Variants in RSU1 observed in about 807,000 individuals in gnomAD.
RSU1 encodes the protein Ras suppressor protein 1.
RSU1 carries 26 observed loss-of-function variants against 31.1 expected under a neutral mutation model. The observed-to-expected ratio is 0.84, with a 90% confidence interval of 0.61 to 1.16. The LOEUF is 1.16. Ranked by LOEUF, RSU1 falls within the 50% of genes most tolerant of loss-of-function variation. RSU1 has a pLI of 0.00. For synonymous variants in RSU1, 164 were observed against 136.3 expected (o/e 1.20, Z -1.41); for missense variants, 320 against 339.1 (o/e 0.94, Z 0.44).
intron 8 of RSU1, among the ~76,000 whole-genome samples, chr10:16,610,270 C>T (rs1297049384): frequency 2.0e-5 from 3 of 152,210 alleles, no homozygotes; most frequent in Non-Finnish European, 4.4e-5. Context: ...GGCTATGCTA[C>T]TGCACAGCAG....
chr10:16,747,659 A>C (rs941442989), intron 7 of RSU1, among the ~76,000 whole-genome samples: 7 of 152,152 alleles, frequency 4.6e-5, no homozygotes, highest in African/African-American at 1.7e-4. Flanking sequence ...ATAGTCTCCT[A>C]TCTCTCAGAC....
intron 7 of RSU1, among the ~76,000 whole-genome samples, chr10:16,706,848 G>A (rs1336633019): frequency 3.3e-5 from 5 of 152,064 alleles, no homozygotes; most frequent in Non-Finnish European, 5.9e-5. Context: ...ATGTAACTAT[G>A]TACCCACTGG....
chr10:16,694,299 C>G (rs1322431880), intron 8 of RSU1, among the ~76,000 whole-genome samples: 1 of 152,186 alleles, frequency 6.6e-6, no homozygotes. Context: ...CACTACAGTA[C>G]AAGCTTCTCT....
At chr10:16,623,537 A>G (rs1834107083) in intron 8 of RSU1, among the ~76,000 whole-genome samples, 1 of 152,230 alleles carries the variant, frequency 6.6e-6, no homozygotes, top group Non-Finnish European at 1.5e-5. Flanking sequence ...TTTTAGATAT[A>G]TACCCACCAA....
intron 2 of RSU1, among the ~76,000 whole-genome samples, chr10:16,788,258 C>T (rs559541940): frequency 3.9e-5 from 6 of 152,326 alleles, no homozygotes; most frequent in South Asian, 4.1e-4. Flanking sequence ...CCTGGTTTCC[C>T]GTTACCAAGC....
chr10:16,637,234 T>C (rs575545482), intron 8 of RSU1, among the ~76,000 whole-genome samples: 1 of 152,306 alleles, frequency 6.6e-6, no homozygotes, highest in East Asian at 1.9e-4. Flanking sequence ...TTTTATGATA[T>C]CCACAGTTAT....
chr10:16,611,128 G>A (rs1322046111), intron 8 of RSU1, among the ~76,000 whole-genome samples: 1 of 152,170 alleles, frequency 6.6e-6, no homozygotes, highest in Non-Finnish European at 1.5e-5. Flanking sequence ...CCTCCCTGGG[G>A]GCTCAAGCAG....
intron 8 of RSU1, among the ~76,000 whole-genome samples, chr10:16,611,794 TC>T (rs2131468568): frequency 6.6e-6 from 1 of 152,210 alleles, no homozygotes; most frequent in East Asian, 1.9e-4. Flanking sequence ...AGACTTACTA[TC>T]CAGGCTGCTT....
At chr10:16,785,824 C>T (rs1837781079) in intron 2 of RSU1, among the ~76,000 whole-genome samples, 1 of 152,120 alleles carries the variant, frequency 6.6e-6, no homozygotes, top group African/African-American at 2.4e-5. Context: ...CTGGCCTCTC[C>T]ATTGTCAATG....
chr10:16,806,425 G>A (rs780698512), intron 2 of RSU1, among the ~76,000 whole-genome samples: 7 of 152,170 alleles, frequency 4.6e-5, no homozygotes, highest in African/African-American at 9.7e-5. Flanking sequence ...TCAAATCTGG[G>A]CTCTACCACT....
chr10:16,684,856 A>C (rs1045522866), intron 8 of RSU1, among the ~76,000 whole-genome samples: 12 of 152,330 alleles, frequency 7.9e-5, no homozygotes, highest in Admixed American at 4.6e-4. Context: ...AAAACCCCAA[A>C]ACTTCAATAA....
chr10:16,686,497 G>T (rs1835442604), intron 8 of RSU1, among the ~76,000 whole-genome samples: 1 of 152,162 alleles, frequency 6.6e-6, no homozygotes, highest in African/African-American at 2.4e-5. Context: ...CTCTTGAAGA[G>T]AATGTAACCT....
At chr10:16,768,267 C>T (rs1238548920) in intron 3 of RSU1, among the ~76,000 whole-genome samples, 1 of 152,154 alleles carries the variant, frequency 6.6e-6, no homozygotes, top group African/African-American at 2.4e-5. Context: ...TGACCATTTC[C>T]AAGGTCTCTT....
rs113996742 is a variant in RSU1, at chr10:16,653,016, C to A, written c.731+42007G>T. On this transcript the variant is annotated intron_variant, in intron 8 of 8. Coordinates refer to ENST00000345264, the MANE Select transcript of RSU1 (RefSeq NM_012425.4). ...AATGAATCTTTCTTTACATAGAGAA[C>A]AGAAAAATATACAAGGGAGAGCTAA... is the stretch of plus-strand genomic sequence containing the variant. 3.4e-3 allele frequency among the ~76,000 whole-genome samples: 510 copies of A among 151,876 alleles called. 6 individuals carry two copies. The highest frequency in any genetic ancestry group is 0.012 in the African/African-American group (485 of 41,424).
intron 2 of RSU1, among the ~76,000 whole-genome samples, chr10:16,791,246 C>G (rs535790273): frequency 6.6e-6 from 1 of 152,074 alleles, no homozygotes; most frequent in East Asian, 1.9e-4. Context: ...AGGCTGGTCT[C>G]GAACTCCTGA....
At chr10:16,624,634 G>A (rs190255822) in intron 8 of RSU1, among the ~76,000 whole-genome samples, 49 of 152,178 alleles carry the variant, frequency 3.2e-4, no homozygotes, top group East Asian at 1.9e-4. Flanking sequence ...CCCATAATGC[G>A]ACACTTCTCT....
At chr10:16,791,830 A>G (rs1267107030) in intron 2 of RSU1, among the ~76,000 whole-genome samples, 1 of 152,192 alleles carries the variant, frequency 6.6e-6, no homozygotes, top group African/African-American at 2.4e-5. Flanking sequence ...ATGACATTAC[A>G]GACTCGTTCC....
At chr10:16,733,208 C>T (rs1373240423) in intron 7 of RSU1, among the ~76,000 whole-genome samples, 1 of 151,536 alleles carries the variant, frequency 6.6e-6, no homozygotes, top group African/African-American at 2.4e-5. Context: ...ATAGAAAACC[C>T]GGCTGGGCAT....
intron 8 of RSU1, among the ~76,000 whole-genome samples, chr10:16,612,806 T>C (rs1833916115): frequency 6.6e-6 from 1 of 152,196 alleles, no homozygotes; most frequent in Admixed American, 6.5e-5. Context: ...AATGGAGCAA[T>C]TTGCAAACAC....
Sources: gnomAD v4.1 joint callset for allele counts (sites outside exome capture counted in the v4.1 genomes callset) on GRCh38, gnomAD v4.1.1 for gene constraint, MANE v1.5 for transcripts, NCBI Gene and HGNC (gene_info 2026-07-23, HGNC 2026-07-21) for gene names.